TRAPPC12: variants seen among roughly 807,000 people sequenced by gnomAD.
TRAPPC12 encodes trafficking protein particle complex subunit 12.
Under a neutral mutation model 69.2 loss-of-function variants are expected in TRAPPC12, and 61 were observed. The observed-to-expected ratio is 0.88, with a 90% CI of 0.72 to 1.09. The LOEUF (loss-of-function observed/expected upper bound fraction) is 1.09. TRAPPC12 is among the 50% of genes least tolerant of loss of function. The pLI, the probability that TRAPPC12 is intolerant of heterozygous loss-of-function variation, is 0.00. For synonymous variants in TRAPPC12, 469 were observed against 438.9 expected (o/e 1.07, Z -0.86); for missense variants, 1,101 against 1,016.4 (o/e 1.08, Z -1.13).
At chr2:3,428,777 C>T (rs1196535686) in intron 5 of TRAPPC12, among the ~76,000 whole-genome samples, 1 of 152,174 alleles carries the variant, frequency 6.6e-6, no homozygotes, top group East Asian at 1.9e-4. Flanking sequence ...CCGAGGACTA[C>T]GTGCCTGGGG....
At chr2:3,381,160 T>G (rs1360963073) in intron 1 of TRAPPC12, among the ~76,000 whole-genome samples, 1 of 152,150 alleles carries the variant, frequency 6.6e-6, no homozygotes, top group African/African-American at 2.4e-5. Flanking sequence ...GCTTCAAAAG[T>G]TTAGGATGAG....
In TRAPPC12 at chr2:3,421,907, G is replaced by A; in HGVS notation, c.1191G>A (p.Val397=). Residue 397 remains valine (V), a synonymous_variant, in exon 4 of 12, where the codon GTG becomes GTA. Transcript: ENST00000324266. ...GCTGCAGAAACTGGAGGGCAGCAGTGGACCTGTGCGGACGTCTCCTCACAG... is the reference window on the plus strand; with the variant it reads ...GCTGCAGAAACTGGAGGGCAGCAGTAGACCTGTGCGGACGTCTCCTCACAG... ...LISCRNWRAA[V]DLCGRLLTAH... is the part of the protein sequence containing the mutation. The A allele has an allele frequency of 1.2e-6, 2 of 1,613,894 alleles. No homozygotes were observed. The highest frequency in any genetic ancestry group is 1.7e-6 in the Non-Finnish European group (2 of 1,179,962).
At chr2:3,446,998 G>A (rs1480871482) in intron 6 of TRAPPC12, among the ~76,000 whole-genome samples, 2 of 152,218 alleles carry the variant, frequency 1.3e-5, no homozygotes, top group East Asian at 1.9e-4. Flanking sequence ...AGGAATACCC[G>A]AGGGTGAGTC....
chr2:3,434,511 A>G (rs1165734205), intron 5 of TRAPPC12, among the ~76,000 whole-genome samples: 2 of 152,228 alleles, frequency 1.3e-5, no homozygotes, highest in African/African-American at 4.8e-5. Context: ...TTTCCACTTC[A>G]GTCTTCACTT....
At chr2:3,439,264 C>A (rs569441484) in intron 5 of TRAPPC12, among the ~76,000 whole-genome samples, 1 of 152,118 alleles carries the variant, frequency 6.6e-6, no homozygotes, top group Admixed American at 6.5e-5. Context: ...CTGTTCAGAT[C>A]TGTTGCCCAT....
chr2:3,411,090 G>T (rs555030285), intron 3 of TRAPPC12, among the ~76,000 whole-genome samples: 14 of 152,324 alleles, frequency 9.2e-5, no homozygotes, highest in African/African-American at 3.4e-4. Context: ...TGGCATCACA[G>T]AATTGAACAT....
chr2:3,381,332 C>T (rs1660196585), intron 1 of TRAPPC12, among the ~76,000 whole-genome samples: 2 of 152,150 alleles, frequency 1.3e-5, no homozygotes, highest in African/African-American at 4.8e-5. Flanking sequence ...TACAGAGTGT[C>T]TGTGTCCAGG....
At chr2:3,421,261 T>C (rs538399645) in intron 3 of TRAPPC12, among the ~76,000 whole-genome samples, 1 of 152,350 alleles carries the variant, frequency 6.6e-6, no homozygotes, top group South Asian at 2.1e-4. Context: ...TCTGTACGAA[T>C]CAGCCAGTGT....
At chr2:3,395,276 A>G (rs1330970523) in intron 2 of TRAPPC12, among the ~76,000 whole-genome samples, 2 of 152,162 alleles carry the variant, frequency 1.3e-5, no homozygotes, top group Non-Finnish European at 2.9e-5. Context: ...TGATATGTAG[A>G]CGGTTTGTAT....
chr2:3,421,950 G>A lies in TRAPPC12; in HGVS notation c.1234G>A (p.Gly412Ser), dbSNP rs141230933. The A allele has an allele frequency of 1.4e-4, 218 of 1,613,614 alleles. 1 individual carries two copies. In the African/African-American group the frequency reaches 2.5e-3, roughly 18 times the overall value. Residue 412 changes from glycine (G) to serine (S), a missense_variant, in exon 4 of 12, where the codon GGC (glycine) becomes AGC (serine). Coordinates refer to ENST00000324266, the MANE Select transcript of TRAPPC12 (RefSeq NM_016030.6). Reference sequence around the variant, plus strand: ...CCTCACAGCCCACGGCCAGGGCTACGGCAAGAGCGGGCTGCTCACCAGCCA... The same window carrying A: ...CCTCACAGCCCACGGCCAGGGCTACAGCAAGAGCGGGCTGCTCACCAGCCA... ...RLLTAHGQGYGKSGLLTSHTT... is the reference protein window; with the variant it reads ...RLLTAHGQGYSKSGLLTSHTT...
intron 3 of TRAPPC12, among the ~76,000 whole-genome samples, chr2:3,407,663 G>T (rs1377816776): frequency 6.6e-6 from 1 of 151,992 alleles, no homozygotes; most frequent in East Asian, 1.9e-4. Flanking sequence ...TTAGCCGGGC[G>T]TGGTGGCGGG....
chr2:3,421,233 C>A (rs1313594266), intron 3 of TRAPPC12, among the ~76,000 whole-genome samples: 2 of 152,160 alleles, frequency 1.3e-5, no homozygotes, highest in African/African-American at 4.8e-5. Context: ...TGCACAAGGG[C>A]AAAGATAAAC....
intron 6 of TRAPPC12, among the ~76,000 whole-genome samples, chr2:3,450,395 CA>C (rs1432692772): frequency 1.3e-5 from 2 of 152,184 alleles, no homozygotes; most frequent in Non-Finnish European, 2.9e-5. Flanking sequence ...GACACTGTCC[CA>C]AAAGCAGTGG....
rs1662225213 is a variant in TRAPPC12 at position 3,414,403 on chromosome 2, G to T, written c.1165-7478G>T. On this transcript the variant is annotated intron_variant, in intron 3 of 11. Coordinates refer to ENST00000324266, the MANE Select transcript of TRAPPC12 (RefSeq NM_016030.6). This position sits in a 1 kb window ranked among gnomAD's most constrained non-coding sequence, Gnocchi z 4.9. ...CAGCAGTCACTCCACTCTGGATTTA[G>T]TCCTTAGAATTCATTCTCTCCCTTC... Among the ~76,000 whole-genome samples, 1 of 151,984 alleles carries T rather than the reference G, an allele frequency of 6.6e-6. No homozygotes were observed. The highest frequency in any genetic ancestry group is 1.5e-5 in the Non-Finnish European group (1 of 68,014).
intron 8 of TRAPPC12, 25 bp from the exon 9 acceptor site, chr2:3,465,572 G>A (rs779078466): frequency 1.3e-6 from 2 of 1,540,802 alleles, no homozygotes; most frequent in South Asian, 1.1e-5. Context: ...CAGCTCTAAA[G>A]TACGTTGGGT....
intron 3 of TRAPPC12, among the ~76,000 whole-genome samples, chr2:3,402,185 G>A (rs1661480274): frequency 6.6e-6 from 1 of 152,146 alleles, no homozygotes. Context: ...TAAATGATTT[G>A]TGTTCATTTT....
chr2:3,388,721 T>A lies in TRAPPC12; in HGVS notation c.1047+51T>A. On this transcript the variant is annotated intron_variant, in intron 2 of 11. Transcript: ENST00000324266. Reference sequence around the variant, plus strand: ...AGCCCGTGCCTCCTCTCTGCGTCTGTGAGATACGCACAGTGCCCCTTTAGG... The same window carrying A: ...AGCCCGTGCCTCCTCTCTGCGTCTGAGAGATACGCACAGTGCCCCTTTAGG... The A allele has an allele frequency of 2.0e-6, 3 of 1,465,616 alleles. No individual in the cohort carries two copies. In the South Asian group the frequency reaches 4.1e-5, roughly 20 times the overall value. The allele number at this position is 1,465,616 out of a possible 1,614,324, so 90.8% of individuals were successfully genotyped here. A position where few individuals can be genotyped will look rare whatever the true frequency, so the allele number is the denominator to read the frequency against.
intron 3 of TRAPPC12, among the ~76,000 whole-genome samples, chr2:3,420,724 C>T (rs1422434457): frequency 6.6e-6 from 1 of 152,210 alleles, no homozygotes. Flanking sequence ...AAAGCTGAGA[C>T]TCATTGCCCT....
chr2:3,398,393 GT>G (rs1661242667), intron 2 of TRAPPC12, among the ~76,000 whole-genome samples: 1 of 152,258 alleles, frequency 6.6e-6, no homozygotes, highest in South Asian at 2.1e-4. Flanking sequence ...AATTGTTGTG[GT>G]TTTTTTGTTC....
Sources: allele counts gnomAD v4.1 joint callset (sites outside exome capture counted in the v4.1 genomes callset), GRCh38; gene constraint gnomAD v4.1.1; non-coding constraint Gnocchi (gnomAD v3.1); transcripts MANE v1.5; gene names NCBI Gene and HGNC (gene_info 2026-07-23, HGNC 2026-07-21).